Variants in SAXO1 observed in about 807,000 individuals in gnomAD.
SAXO1 encodes stabilizer of axonemal microtubules 1.
In SAXO1, 21 loss-of-function variants were observed where a neutral mutation model predicts 17.5. That is an observed-to-expected ratio of 1.20 (90% CI 0.85 to 1.72). The LOEUF (loss-of-function observed/expected upper bound fraction) is 1.72. Among genes scored for constraint, SAXO1 ranks in the 40% most tolerant of loss-of-function variants. The probability of loss-of-function intolerance (pLI) is 0.00; values close to 1 mark genes in which losing one functional copy is unlikely to be tolerated. For missense variants in SAXO1, 843 were observed against 596.0 expected (o/e 1.41, Z -4.32); for synonymous variants, 274 against 216.5 (o/e 1.27, Z -2.33).
chr9:19,007,800 G>C (rs1033584990), intron 1 of SAXO1, among the ~76,000 whole-genome samples: 1 of 152,130 alleles, frequency 6.6e-6, no homozygotes, highest in Non-Finnish European at 1.5e-5. Flanking sequence ...TTCACGACAC[G>C]TGAAAATTGT....
intron 1 of SAXO1, chr9:19,027,852 C>A (rs1835565605): frequency 7.1e-6 from 10 of 1,404,698 alleles, no homozygotes. Flanking sequence ...ATCCTGGACC[C>A]CGCCCTGCTA....
chr9:18,995,229 T>TC (rs1833954985), intron 1 of SAXO1, among the ~76,000 whole-genome samples: 2 of 152,338 alleles, frequency 1.3e-5, no homozygotes. Flanking sequence ...AATATCCTCT[T>TC]CTTAAGTACA....
At chr9:18,993,657 G>A (rs1481587651) in intron 1 of SAXO1, among the ~76,000 whole-genome samples, 1 of 152,146 alleles carries the variant, frequency 6.6e-6, no homozygotes, top group East Asian at 1.9e-4. Context: ...GCTCTGCTGT[G>A]GGTAGGATTT....
intron 1 of SAXO1, among the ~76,000 whole-genome samples, chr9:18,988,847 T>C (rs1486231355): frequency 6.6e-6 from 1 of 152,186 alleles, no homozygotes; most frequent in African/African-American, 2.4e-5. Flanking sequence ...TGATTCGCTT[T>C]ATAATGATTC....
chr9:18,983,031 A>G (rs919453625), intron 1 of SAXO1, among the ~76,000 whole-genome samples: 4 of 152,226 alleles, frequency 2.6e-5, no homozygotes, highest in African/African-American at 9.6e-5. Flanking sequence ...TGGGCTAAGT[A>G]GAGTTAGCCA....
rs781318054 is a variant in SAXO1 at position 18,928,643 on chromosome 9, G to A, written c.834C>T (p.Tyr278=). The change falls in exon 4 of 4, where the codon TAC becomes TAT. Residue 278 remains tyrosine, a synonymous_variant. Coordinates refer to ENST00000380534, the MANE Select transcript of SAXO1 (RefSeq NM_153707.4). ...FCNTTEFRDK[Y]QAWPMPRMFS... is the part of the protein sequence containing the mutation. ...ACATCCGGGGCATTGGCCAAGCTTG[G>A]TACTTATCTCGAAACTCAGTGGTGT... 23 of 1,614,008 alleles carry A rather than the reference G, an allele frequency of 1.4e-5. No individual in the cohort carries two copies. The South Asian group carries it at 2.4e-4, about 17-fold the overall frequency.
chr9:18,968,202 C>G (rs899919667), intron 1 of SAXO1, among the ~76,000 whole-genome samples: 2 of 152,186 alleles, frequency 1.3e-5, no homozygotes, highest in African/African-American at 4.8e-5. Flanking sequence ...AGCCATCTTG[C>G]CAGTCTTCCC....
intron 1 of SAXO1, among the ~76,000 whole-genome samples, chr9:18,978,070 T>C (rs889622795): frequency 9.3e-5 from 14 of 149,958 alleles, no homozygotes; most frequent in Admixed American, 7.3e-4. Flanking sequence ...GATCTTATCA[T>C]TAAATTCTGT....
intron 1 of SAXO1, among the ~76,000 whole-genome samples, chr9:18,979,503 AG>A (rs936253853): frequency 6.6e-6 from 1 of 152,208 alleles, no homozygotes; most frequent in African/African-American, 2.4e-5. Context: ...GGGAGAAGGC[AG>A]GGGGCACGTG....
Position 18,996,155 on chromosome 9 carries a change from T to A in SAXO1, c.38+36716A>T, listed in dbSNP as rs189556887. On this transcript the variant is annotated intron_variant, in intron 1 of 3. Coordinates refer to ENST00000380534, the MANE Select transcript of SAXO1 (RefSeq NM_153707.4). The stretch of plus-strand genomic sequence containing the variant: ...TCAAAAGTAGAAATCATTTAATGAA[T>A]CCCCAAATAAGTATCATCCATTCCT... Among the ~76,000 whole-genome samples the A allele has an allele frequency of 3.0e-3, 461 of 152,134 alleles. 8 individuals carry two copies. In the South Asian group the frequency reaches 0.045, roughly 15 times the overall value.
chr9:18,957,638 G>A lies in SAXO1; in HGVS notation c.39-6701C>T, dbSNP rs149364447. Among the ~76,000 whole-genome samples the A allele has an allele frequency of 2.8e-4, 42 of 152,224 alleles. 1 individual carries two copies. In the Middle Eastern group the frequency reaches 0.017, roughly 62 times the overall value. On this transcript the variant is annotated intron_variant, in intron 1 of 3. Transcript: ENST00000380534. Reference sequence around the variant, plus strand: ...AGGAGAGGGGAAGCTGCCCAGGATCGCCAAACACCAAGTCATAAAACTCAT... The same window carrying A: ...AGGAGAGGGGAAGCTGCCCAGGATCACCAAACACCAAGTCATAAAACTCAT...
chr9:19,037,982 T>G (rs1314099657), upstream of SAXO1, among the ~76,000 whole-genome samples: 1 of 152,158 alleles, frequency 6.6e-6, no homozygotes, highest in African/African-American at 2.4e-5. Flanking sequence ...AGAATAAGAA[T>G]AAATGGCTGT....
chr9:19,017,494 T>G (rs1835030214), intron 1 of SAXO1, among the ~76,000 whole-genome samples: 1 of 152,226 alleles, frequency 6.6e-6, no homozygotes, highest in African/African-American at 2.4e-5. Context: ...TTGTTGCAGC[T>G]ACAGCATGCT....
intron 1 of SAXO1, among the ~76,000 whole-genome samples, chr9:19,030,037 G>A (rs1835684818): frequency 1.3e-5 from 2 of 152,248 alleles, no homozygotes; most frequent in African/African-American, 4.8e-5. Context: ...GCATGCTGAT[G>A]CATAGAGGAT....
chr9:18,950,660 A>T (rs776943279), intron 2 of SAXO1, 98 bp downstream of exon 2: 8 of 1,062,142 alleles, frequency 7.5e-6, no homozygotes, highest in Non-Finnish European at 9.5e-6. Flanking sequence ...ACATTAATGC[A>T]TTAGCACTGC....
At chr9:18,960,321 T>C (rs1303905138) in intron 1 of SAXO1, among the ~76,000 whole-genome samples, 3 of 152,166 alleles carry the variant, frequency 2.0e-5, no homozygotes, top group Non-Finnish European at 4.4e-5. Context: ...GAGCCAATCC[T>C]CTGGGGGAAG....
intron 1 of SAXO1, among the ~76,000 whole-genome samples, chr9:19,045,316 C>CAAAAAAAA (rs575855900): frequency 3.9e-4 from 35 of 89,334 alleles, no homozygotes; most frequent in African/African-American, 1.3e-3. Flanking sequence ...GACTCCGTCT[C>CAAAAAAAA]AAAAAAAAAA....
At chr9:19,026,390 A>G (rs1835471775) in intron 1 of SAXO1, among the ~76,000 whole-genome samples, 1 of 152,196 alleles carries the variant, frequency 6.6e-6, no homozygotes, top group South Asian at 2.1e-4. Context: ...CCCATATATT[A>G]AAATTAATCT....
rs554520690 is a variant in SAXO1, at chr9:19,031,864, G to C, written c.38+1007C>G. ...ATTTATTGATGCCAGAGATATAGAA[G>C]GTTGCTGATCCAGTTTTTAGAGTGC... On this transcript the variant is annotated intron_variant, in intron 1 of 3. Coordinates refer to ENST00000380534, the MANE Select transcript of SAXO1 (RefSeq NM_153707.4). Among the ~76,000 whole-genome samples, 5 of 152,282 alleles carry C rather than the reference G, an allele frequency of 3.3e-5. No individual in the cohort carries two copies. The South Asian group carries it at 6.2e-4, about 19-fold the overall frequency.
Sources: gnomAD v4.1 joint callset for allele counts (sites outside exome capture counted in the v4.1 genomes callset) on GRCh38, gnomAD v4.1.1 for gene constraint, MANE v1.5 for transcripts, NCBI Gene and HGNC (gene_info 2026-07-23, HGNC 2026-07-21) for gene names.